The following ACOX3 variants were observed in gnomAD, a reference collection of about 807,000 sequenced individuals.
ACOX3 encodes acyl-CoA oxidase 3, pristanoyl.
A neutral mutation model predicts 81.5 loss-of-function variants in ACOX3; 73 were observed. That is an observed-to-expected ratio of 0.90 (90% CI 0.74 to 1.09). The LOEUF is 1.09. Among genes scored for constraint, ACOX3 ranks in the 50% least tolerant of loss-of-function variants. The probability of loss-of-function intolerance (pLI) is 0.00; values close to 1 mark genes in which losing one functional copy is unlikely to be tolerated. For missense variants in ACOX3, 947 were observed against 928.0 expected (o/e 1.02, Z -0.27); for synonymous variants, 387 against 375.1 (o/e 1.03, Z -0.37).
the ACOX3 span, chr4:8,356,491 G>A: frequency 2.2e-6 from 1 of 446,236 alleles, no homozygotes. Context: ...TACTTGACTG[G>A]GAAAATGGCT....
intron 16 of ACOX3, among the ~76,000 whole-genome samples, chr4:8,372,258 C>A (rs1716307119): frequency 6.6e-6 from 1 of 152,176 alleles, no homozygotes; most frequent in African/African-American, 2.4e-5. Context: ...CCAAGCCTGG[C>A]TAATTTTTTA....
intron 16 of ACOX3, among the ~76,000 whole-genome samples, chr4:8,371,812 C>T (rs898605571): frequency 3.9e-5 from 6 of 152,248 alleles, no homozygotes; most frequent in Non-Finnish European, 2.9e-5. Flanking sequence ...GCGCTGAGCC[C>T]GACAAACGTG....
chr4:8,381,569 G>A lies in ACOX3; in HGVS notation c.1576C>T (p.Leu526Phe), dbSNP rs1471517343. 8.1e-6 allele frequency: 13 copies of A among 1,613,982 alleles called. No individual in the cohort carries two copies. The highest frequency in any genetic ancestry group is 3.3e-4 in the Middle Eastern group (2 of 6,060). ...TTTAATTTTTGATAAGTCTCTCGGAGCAGGTAGCAAACCAGCCACTTGTAT... is the reference window on the plus strand; with the variant it reads ...TTTAATTTTTGATAAGTCTCTCGGAACAGGTAGCAAACCAGCCACTTGTAT... The part of the protein sequence containing the change: ...AAYKWLVCYL[L>F]RETYQKLNQE... Residue 526 changes from leucine to phenylalanine, a missense_variant, in exon 14 of 18, where the codon CTC becomes TTC. By Grantham distance (22) the Leu-to-Phe change is conservative. Coordinates refer to ENST00000356406, the MANE Select transcript of ACOX3 (RefSeq NM_003501.3). This position sits in a 1 kb window ranked among gnomAD's most constrained non-coding sequence, Gnocchi z 4.3.
intron 9 of ACOX3, among the ~76,000 whole-genome samples, chr4:8,396,543 G>A (rs920347746): frequency 6.6e-6 from 1 of 152,084 alleles, no homozygotes; most frequent in Non-Finnish European, 1.5e-5. Context: ...CGGGCATGGT[G>A]GTGCATGCCC....
At chr4:8,435,502 A>C (rs902097246) in intron 1 of ACOX3, among the ~76,000 whole-genome samples, 1 of 152,306 alleles carries the variant, frequency 6.6e-6, no homozygotes, top group East Asian at 1.9e-4. Context: ...TCTCAAAAAA[A>C]AGAAAAAAAA....
chr4:8,408,895 G>C (rs910685957), intron 6 of ACOX3, among the ~76,000 whole-genome samples: 2 of 55,936 alleles, frequency 3.6e-5, no homozygotes. Context: ...CCTCACTGGG[G>C]GGGGGGGGTG....
At chr4:8,377,318 C>T (rs1053311782) in intron 14 of ACOX3, among the ~76,000 whole-genome samples, 1 of 152,000 alleles carries the variant, frequency 6.6e-6, no homozygotes, top group African/African-American at 2.4e-5. Flanking sequence ...CAGTGTTTTT[C>T]CATGAAAGTG....
At chr4:8,374,880 C>T (rs966928615) in intron 15 of ACOX3, 98 bp downstream of exon 15, 7 of 1,335,166 alleles carry the variant, frequency 5.2e-6, no homozygotes, top group South Asian at 3.2e-5. Context: ...CAGTGAGTCC[C>T]GTGGAAGGAG....
Position 8,416,248 on chromosome 4 carries a change from A to G in ACOX3, c.144+130T>C. On this transcript the variant is annotated intron_variant, in intron 2 of 17. Transcript: ENST00000356406. The surrounding 1 kb of genome is among the most constrained non-coding windows in gnomAD (Gnocchi z 4.2). ...GCCTGTCCTGGGGTGCAGAGAGGAG[A>G]GAGGCCGCGCTGCCTGGGATGAGCC... The G allele has an allele frequency of 1.4e-6, 2 of 1,467,960 alleles. No homozygotes were observed. The highest frequency in any genetic ancestry group is 1.9e-6 in the Non-Finnish European group (2 of 1,057,986). The allele number at this position is 1,467,960 out of a possible 1,614,324, so 90.9% of individuals were successfully genotyped here.
Position 8,406,873 on chromosome 4 carries a change from C to T in ACOX3, c.688-830G>A, listed in dbSNP as rs907592126. Among the ~76,000 whole-genome samples, 1 of 152,200 alleles carries T rather than the reference C, an allele frequency of 6.6e-6. No individual in the cohort carries two copies. Among genetic ancestry groups the T allele is most frequent in the African/African-American group, 2.4e-5 (1 of 41,450 alleles). ...ACTGAAGCACGGCATCACAGGGAGA[C>T]GGTTAGTCCTCCGGATAACTGCGGG... On this transcript the variant is annotated intron_variant, in intron 6 of 17. Coordinates refer to ENST00000356406, the MANE Select transcript of ACOX3 (RefSeq NM_003501.3). The surrounding 1 kb of genome is among the most constrained non-coding windows in gnomAD (Gnocchi z 5.6).
chr4:8,379,014 C>T (rs1413879415), intron 14 of ACOX3, among the ~76,000 whole-genome samples: 2 of 152,148 alleles, frequency 1.3e-5, no homozygotes, highest in Admixed American at 6.5e-5. Context: ...GGCTGGTTTC[C>T]GACCAGGCTG....
chr4:8,424,161 A>G (rs192117335), intron 1 of ACOX3, among the ~76,000 whole-genome samples: 2 of 152,356 alleles, frequency 1.3e-5, no homozygotes, highest in Non-Finnish European at 2.9e-5. Flanking sequence ...AGCAATTAAG[A>G]GGGTTCCTTG....
At chr4:8,402,315 G>GA (rs1279168456) in intron 7 of ACOX3, among the ~76,000 whole-genome samples, 2 of 152,324 alleles carry the variant, frequency 1.3e-5, no homozygotes, top group African/African-American at 4.8e-5. Context: ...CAGCGGGGGG[G>GA]CCAGCTCCTC....
chr4:8,364,619 G>C (rs1715317219), downstream of ACOX3, among the ~76,000 whole-genome samples: 1 of 152,118 alleles, frequency 6.6e-6, no homozygotes, highest in Non-Finnish European at 1.5e-5. This position sits in a 1 kb window ranked among gnomAD's most constrained non-coding sequence, Gnocchi z 5.0. Flanking sequence ...TGTCGTGTCT[G>C]ACATGGTGAC....
At chr4:8,398,178 T>G (rs1201903256) in intron 8 of ACOX3, among the ~76,000 whole-genome samples, 1 of 152,066 alleles carries the variant, frequency 6.6e-6, no homozygotes, top group Non-Finnish European at 1.5e-5. Flanking sequence ...AAAATATATA[T>G]AAATATATAT....
the ACOX3 span, chr4:8,356,607 C>A: frequency 2.2e-6 from 1 of 456,066 alleles, no homozygotes; most frequent in Non-Finnish European, 4.4e-6. Flanking sequence ...GAATGGTGTA[C>A]GCTAACATGA....
At chr4:8,396,886 A>T in intron 9 of ACOX3, 51 bp downstream of exon 9, 1 of 1,573,594 alleles carries the variant, frequency 6.4e-7, no homozygotes. Flanking sequence ...AAAGAAGTGA[A>T]TTTGCATATA....
chr4:8,394,937 T>C lies in ACOX3; in HGVS notation c.1057-195A>G. ...CGCTCTCAACTCAGCCAGTTCGGCT[T>C]TCACCCATAGCCCTTGACAGACAAG... On this transcript the variant is annotated intron_variant, in intron 9 of 17. Transcript: ENST00000356406. This position sits in a 1 kb window ranked among gnomAD's most constrained non-coding sequence, Gnocchi z 5.9. 1.5e-6 allele frequency: 1 copy of C among 661,456 alleles called. No homozygotes were observed. Among genetic ancestry groups the C allele is most frequent in the Non-Finnish European group, 2.4e-6 (1 of 415,120 alleles). 41.0% of individuals were successfully genotyped at this position (661,456 alleles called of 1,614,324 possible). A position where few individuals can be genotyped will look rare whatever the true frequency, so the allele number is the denominator to read the frequency against.
intron 17 of ACOX3, among the ~76,000 whole-genome samples, chr4:8,367,806 C>CAAAAAAAAAAAAAAAAA (rs535574857): frequency 1.1e-4 from 5 of 46,714 alleles, no homozygotes; most frequent in African/African-American, 1.9e-4. Context: ...CCCATCTTTA[C>CAAAAAAAAAAAAAAAAA]AAAAAAAAAA....
Sources: allele counts gnomAD v4.1 joint callset (sites outside exome capture counted in the v4.1 genomes callset), GRCh38; gene constraint gnomAD v4.1.1; non-coding constraint Gnocchi (gnomAD v3.1); transcripts MANE v1.5; gene names NCBI Gene and HGNC (gene_info 2026-07-23, HGNC 2026-07-21).